The following STAT4 variants were observed in gnomAD, a reference collection of about 807,000 sequenced individuals.
STAT4 encodes signal transducer and activator of transcription 4.
STAT4 carries 42 observed loss-of-function variants against 110.5 expected under a neutral mutation model. That is an observed-to-expected ratio of 0.38 (90% CI 0.30 to 0.49). The LOEUF (loss-of-function observed/expected upper bound fraction) is 0.49. Ranked by LOEUF, STAT4 falls within the 20% of genes least tolerant of loss-of-function variation. STAT4 has a pLI of 0.95. For synonymous variants in STAT4, 284 were observed against 302.2 expected (o/e 0.94, Z 0.63); for missense variants, 632 against 887.9 (o/e 0.71, Z 3.66).
chr2:191,131,793 G>T, intron 3 of STAT4: 1 of 1,347,368 alleles, frequency 7.4e-7, no homozygotes, highest in Non-Finnish European at 9.6e-7. Context: ...AGTATCATCT[G>T]AATGTCCCAG....
In STAT4 at chr2:191,035,537, T is replaced by C. The variant is rs550625998; in HGVS notation, c.1570+627A>G. 6.6e-6 allele frequency among the ~76,000 whole-genome samples: 1 copy of C among 152,362 alleles called. No individual in the cohort carries two copies. The highest frequency in any genetic ancestry group is 1.9e-4 in the East Asian group (1 of 5,190). On this transcript the variant is annotated intron_variant, in intron 17 of 23. Coordinates refer to ENST00000392320, the MANE Select transcript of STAT4 (RefSeq NM_003151.4). This position sits in a 1 kb window ranked among gnomAD's most constrained non-coding sequence, Gnocchi z 4.7. Reference sequence around the variant, plus strand: ...TATGTTAAACCCTGACTTGTCAAAATACAGATCTCTTAGAGACTTTTTAGA... The same window carrying C: ...TATGTTAAACCCTGACTTGTCAAAACACAGATCTCTTAGAGACTTTTTAGA...
At chr2:191,111,229 T>C (rs556857598) in intron 3 of STAT4, among the ~76,000 whole-genome samples, 1 of 152,324 alleles carries the variant, frequency 6.6e-6, no homozygotes, top group East Asian at 1.9e-4. Context: ...TACAATGCCT[T>C]ATCCTTTTCC....
intron 3 of STAT4, among the ~76,000 whole-genome samples, chr2:191,125,439 G>C (rs2125402152): frequency 6.9e-6 from 1 of 145,400 alleles, no homozygotes; most frequent in Middle Eastern, 3.5e-3. Context: ...ACTGGAAATT[G>C]ACTATCTACT....
rs941700063 is a variant in STAT4, at chr2:191,112,364, A to C, written c.273+34249T>G. Among the ~76,000 whole-genome samples, 2 of 152,188 alleles carry C rather than the reference A, an allele frequency of 1.3e-5. No individual in the cohort carries two copies. Among genetic ancestry groups the C allele is most frequent in the African/African-American group, 4.8e-5 (2 of 41,446 alleles). ...TCAGTTCCCTCATCTGTAAAATGGA[A>C]GAAATAACATTACATACCTGCCAGG... On this transcript the variant is annotated intron_variant, in intron 3 of 23. Coordinates refer to ENST00000392320, the MANE Select transcript of STAT4 (RefSeq NM_003151.4). This position sits in a 1 kb window ranked among gnomAD's most constrained non-coding sequence, Gnocchi z 4.3.
intron 13 of STAT4, among the ~76,000 whole-genome samples, chr2:191,056,061 A>T (rs1168809091): frequency 6.6e-6 from 1 of 152,246 alleles, no homozygotes; most frequent in Non-Finnish European, 1.5e-5. Context: ...AACAAAACAT[A>T]CTCCTCAATA....
rs139510788 is a variant in STAT4, at chr2:191,081,032, C to T, written c.274-4707G>A. ...ACAGGCCCTGGTGTGTGATGTTCCC[C>T]TACCTGTGTCCATATATTCTCATTG... On this transcript the variant is annotated intron_variant, in intron 3 of 23. Coordinates refer to ENST00000392320, the MANE Select transcript of STAT4 (RefSeq NM_003151.4). 5.8e-3 allele frequency among the ~76,000 whole-genome samples: 879 copies of T among 152,268 alleles called. 10 individuals carry two copies. Among genetic ancestry groups the T allele is most frequent in the African/African-American group, 0.02 (836 of 41,560 alleles).
In STAT4 at chr2:191,035,543, T is replaced by C. The variant is rs1177233256; in HGVS notation, c.1570+621A>G. Among the ~76,000 whole-genome samples the C allele has an allele frequency of 6.6e-6, 1 of 152,218 alleles. No homozygotes were observed. Among genetic ancestry groups the C allele is most frequent in the Non-Finnish European group, 1.5e-5 (1 of 68,042 alleles). Reference sequence around the variant, plus strand: ...AAACCCTGACTTGTCAAAATACAGATCTCTTAGAGACTTTTTAGAAAATGT... The same window carrying C: ...AAACCCTGACTTGTCAAAATACAGACCTCTTAGAGACTTTTTAGAAAATGT... On this transcript the variant is annotated intron_variant, in intron 17 of 23. Transcript: ENST00000392320. This position sits in a 1 kb window ranked among gnomAD's most constrained non-coding sequence, Gnocchi z 4.7.
chr2:191,112,871 A>G lies in STAT4; in HGVS notation c.273+33742T>C, dbSNP rs1698461604. On this transcript the variant is annotated intron_variant, in intron 3 of 23. Coordinates refer to ENST00000392320, the MANE Select transcript of STAT4 (RefSeq NM_003151.4). The surrounding 1 kb of genome is among the most constrained non-coding windows in gnomAD (Gnocchi z 4.3). Reference sequence around the variant, plus strand: ...AGCAATAATTATTCTGTGACTCAGAATTAAACATACAACGTTCAGTCCTAT... The same window carrying G: ...AGCAATAATTATTCTGTGACTCAGAGTTAAACATACAACGTTCAGTCCTAT... 6.6e-6 allele frequency among the ~76,000 whole-genome samples: 1 copy of G among 152,272 alleles called. No individual in the cohort carries two copies. The highest frequency in any genetic ancestry group is 2.1e-4 in the South Asian group (1 of 4,834).
At position 191,029,737 on chromosome 2, in the gene STAT4, T is replaced by C. The variant is rs983180800; in HGVS notation, c.*103A>G. The C allele has an allele frequency of 3.4e-5, 36 of 1,052,092 alleles. No individual in the cohort carries two copies. The highest frequency in any genetic ancestry group is 5.0e-5 in the Non-Finnish European group (35 of 700,176). 65.2% of individuals were successfully genotyped at this position (1,052,092 alleles called of 1,614,324 possible). ...CAGATGTCAAACATTTCCTAGAACC[T>C]GGTATTTACAAAGCTGAAGAAATAA... On this transcript the variant is annotated 3_prime_UTR_variant, in exon 24 of 24. Transcript: ENST00000392320. The surrounding 1 kb of genome is among the most constrained non-coding windows in gnomAD (Gnocchi z 4.5).
rs1462198573 is a variant in STAT4, at chr2:191,112,022, A to G, written c.273+34591T>C. Among the ~76,000 whole-genome samples, 1 of 152,098 alleles carries G rather than the reference A, an allele frequency of 6.6e-6. No homozygotes were observed. Among genetic ancestry groups the G allele is most frequent in the African/African-American group, 2.4e-5 (1 of 41,414 alleles). On this transcript the variant is annotated intron_variant, in intron 3 of 23. Transcript: ENST00000392320. The surrounding 1 kb of genome is among the most constrained non-coding windows in gnomAD (Gnocchi z 4.3). ...GAGGGATTAGGAAGGGACATGAGGAAACTTTCAAGGGTGCTGGATATTTTT... is the reference window on the plus strand; with the variant it reads ...GAGGGATTAGGAAGGGACATGAGGAGACTTTCAAGGGTGCTGGATATTTTT...
chr2:191,089,280 A>G (rs1574144336), intron 3 of STAT4, among the ~76,000 whole-genome samples: 1 of 152,352 alleles, frequency 6.6e-6, no homozygotes, highest in East Asian at 1.9e-4. Context: ...GAAGATATAT[A>G]GATGAAAAAT....
Position 191,051,635 on chromosome 2 carries a change from T to C in STAT4, c.1251+2855A>G, listed in dbSNP as rs1271551819. ...TTTAAATTATGGTGTGAGACAGACA[T>C]GATTTCGGAGCAGGTGGGTGAGGTG... On this transcript the variant is annotated intron_variant, in intron 14 of 23. Coordinates refer to ENST00000392320, the MANE Select transcript of STAT4 (RefSeq NM_003151.4). The surrounding 1 kb of genome is among the most constrained non-coding windows in gnomAD (Gnocchi z 5.6). 6.6e-6 allele frequency among the ~76,000 whole-genome samples: 1 copy of C among 152,192 alleles called. No homozygotes were observed. The highest frequency in any genetic ancestry group is 1.5e-5 in the Non-Finnish European group (1 of 68,016).
chr2:191,086,256 A>T lies in STAT4; in HGVS notation c.274-9931T>A, dbSNP rs1365278267. The stretch of plus-strand genomic sequence containing the variant: ...TATCTTGTCCTTCACAGGGTTCTTG[A>T]CCTGTGATAAGTAAAGATTGTCACT... On this transcript the variant is annotated intron_variant, in intron 3 of 23. Coordinates refer to ENST00000392320, the MANE Select transcript of STAT4 (RefSeq NM_003151.4). The surrounding 1 kb of genome is among the most constrained non-coding windows in gnomAD (Gnocchi z 5.5). 6.6e-6 allele frequency among the ~76,000 whole-genome samples: 1 copy of T among 152,088 alleles called. No homozygotes were observed. The highest frequency in any genetic ancestry group is 1.5e-5 in the Non-Finnish European group (1 of 68,006).
intron 14 of STAT4, among the ~76,000 whole-genome samples, chr2:191,049,969 G>A (rs548553942): frequency 6.1e-4 from 93 of 152,274 alleles, no homozygotes; most frequent in African/African-American, 2.0e-3. Context: ...TGTGAGTAGC[G>A]CGTCTGTGTT....
At chr2:191,133,006 G>A (rs1332011120) in intron 3 of STAT4, among the ~76,000 whole-genome samples, 1 of 151,258 alleles carries the variant, frequency 6.6e-6, no homozygotes, top group Non-Finnish European at 1.5e-5. Flanking sequence ...TGCCCACCTC[G>A]GCCTCCCAAA....
In STAT4 at chr2:191,060,193, G is replaced by T. The variant is rs186713227; in HGVS notation, c.1035-1424C>A. On this transcript the variant is annotated intron_variant, in intron 10 of 23. Coordinates refer to ENST00000392320, the MANE Select transcript of STAT4 (RefSeq NM_003151.4). This position sits in a 1 kb window ranked among gnomAD's most constrained non-coding sequence, Gnocchi z 4.5. ...CATGCAAGTGGTGCTGATTCAGAGTGCCTCTTCCACTTAGAATTTTTTTGC... is the reference window on the plus strand; with the variant it reads ...CATGCAAGTGGTGCTGATTCAGAGTTCCTCTTCCACTTAGAATTTTTTTGC... 1.9e-3 allele frequency among the ~76,000 whole-genome samples: 295 copies of T among 152,164 alleles called. 1 individual carries two copies. Among genetic ancestry groups the T allele is most frequent in the Middle Eastern group, 0.017 (5 of 294 alleles).
chr2:191,076,445 G>A, intron 3 of STAT4, 120 bp from the exon 4 acceptor site: 1 of 743,642 alleles, frequency 1.3e-6, no homozygotes, highest in Non-Finnish European at 2.2e-6. Context: ...AAATTACTTG[G>A]GATTTGTTCC....
At position 191,090,097 on chromosome 2, in the gene STAT4, C is replaced by G. The variant is rs560519849; in HGVS notation, c.274-13772G>C. Among the ~76,000 whole-genome samples the G allele has an allele frequency of 6.6e-6, 1 of 151,902 alleles. No individual in the cohort carries two copies. The highest frequency in any genetic ancestry group is 1.5e-5 in the Non-Finnish European group (1 of 67,990). On this transcript the variant is annotated intron_variant, in intron 3 of 23. Coordinates refer to ENST00000392320, the MANE Select transcript of STAT4 (RefSeq NM_003151.4). The surrounding 1 kb of genome is among the most constrained non-coding windows in gnomAD (Gnocchi z 4.2). Reference sequence around the variant, plus strand: ...ATATTGTAATAATATAAAATTGTAACAAGTACATCACACTAATGTAAGATA... The same window carrying G: ...ATATTGTAATAATATAAAATTGTAAGAAGTACATCACACTAATGTAAGATA...
Position 191,031,479 on chromosome 2 carries a change from A to T in STAT4, c.2082T>A (p.Val694=), listed in dbSNP as rs1272558602. 2 of 1,613,554 alleles carry T rather than the reference A, an allele frequency of 1.2e-6. No individual in the cohort carries two copies. The highest frequency in any genetic ancestry group is 3.3e-5 in the Admixed American group (2 of 59,972). The stretch of plus-strand genomic sequence containing the variant: ...TTGAGATGGGGATAAAAACAGAAGG[A>T]ACATAACCTTTGTCACCCCTTTCTG... ...RPTERGDKGY[V]PSVFIPISTI... is the part of the protein sequence containing the mutation. Residue 694 remains valine (V), a synonymous_variant, in exon 22 of 24, where the codon GTT becomes GTA. Transcript: ENST00000392320. The surrounding 1 kb of genome is among the most constrained non-coding windows in gnomAD (Gnocchi z 4.8).
Sources: allele counts gnomAD v4.1 joint callset (sites outside exome capture counted in the v4.1 genomes callset), GRCh38; gene constraint gnomAD v4.1.1; non-coding constraint Gnocchi (gnomAD v3.1); transcripts MANE v1.5; gene names NCBI Gene and HGNC (gene_info 2026-07-23, HGNC 2026-07-21).